LYRM9: variants seen among roughly 807,000 people sequenced by gnomAD.
The protein encoded by LYRM9 is LYR motif-containing protein 9.
A neutral mutation model predicts 12.6 loss-of-function variants in LYRM9; 14 were observed. That is an observed-to-expected ratio of 1.11 (90% CI 0.73 to 1.73). The LOEUF (loss-of-function observed/expected upper bound fraction) is 1.73. Among genes scored for constraint, LYRM9 ranks in the 40% most tolerant of loss-of-function variants. The probability of loss-of-function intolerance (pLI) is 0.00; values close to 1 mark genes in which losing one functional copy is unlikely to be tolerated. For missense variants in LYRM9, 94 were observed against 95.0 expected (o/e 0.99, Z 0.04); for synonymous variants, 42 against 35.1 (o/e 1.20, Z -0.69).
intron 3 of LYRM9, 199 bp downstream of exon 3, chr17:27,880,075 C>T: frequency 1.4e-6 from 1 of 702,346 alleles, no homozygotes; most frequent in South Asian, 1.5e-5. Flanking sequence ...GAGAGCCCCT[C>T]CCCACTTGCA....
In LYRM9 at chr17:27,878,367, T is replaced by C. The variant is rs145368412; in HGVS notation, c.*1106A>G. 6.6e-6 allele frequency: 1 copy of C among 152,360 alleles called. No individual in the cohort carries two copies. Among genetic ancestry groups the C allele is most frequent in the African/African-American group, 2.4e-5 (1 of 41,576 alleles). 9.4% of individuals were successfully genotyped at this position (152,360 alleles called of 1,614,324 possible). On this transcript the variant is annotated 3_prime_UTR_variant, in exon 4 of 4. Coordinates refer to ENST00000379102, the MANE Select transcript of LYRM9 (RefSeq NM_001076680.3). The stretch of plus-strand genomic sequence containing the variant: ...GAGAAGACACACGAGCTTCCACAAA[T>C]TGATATATTTACTTCATTGCCAGCG...
chr17:27,879,662 T>TGGACTCCCTTTC (rs1219457219), intron 3 of LYRM9, 172 bp from the exon 4 acceptor site: 1 of 611,952 alleles, frequency 1.6e-6, no homozygotes, highest in African/African-American at 1.9e-5. Context: ...AGTTCATGCC[T>TGGACTCCCTTTC]GGACTCCCTT....
intron 1 of LYRM9, chr17:27,891,847 G>C (rs746012872): frequency 2.6e-5 from 4 of 152,302 alleles, no homozygotes; most frequent in Non-Finnish European, 4.4e-5. Flanking sequence ...CCACCTCACA[G>C]GGGTTTTGTA....
rs1410712272 is a variant in LYRM9 at position 27,880,311 on chromosome 17, TTAA to T, written c.179_181del (p.Ile60del). The T allele has an allele frequency of 6.2e-7, 1 of 1,610,770 alleles. No individual in the cohort carries two copies. The highest frequency in any genetic ancestry group is 1.1e-5 in the South Asian group (1 of 90,142). ...CCAGTCAGCATCTTCAATGGCTCTT[TTAA>T]TAATCTGCTGGATTCTCTCAGGGTT... On this transcript the variant is annotated inframe_deletion, in exon 3 of 4. Transcript: ENST00000379102.
intron 1 of LYRM9, among the ~76,000 whole-genome samples, chr17:27,889,792 G>A (rs1439653086): frequency 1.3e-5 from 2 of 152,100 alleles, no homozygotes; most frequent in Non-Finnish European, 2.9e-5. Context: ...CCTATATACT[G>A]TAAGCATCAG....
At chr17:27,891,385 T>G (rs1015371525) in intron 1 of LYRM9, among the ~76,000 whole-genome samples, 1 of 152,186 alleles carries the variant, frequency 6.6e-6, no homozygotes, top group Non-Finnish European at 1.5e-5. Flanking sequence ...CATCTGTCAA[T>G]GCGGTCCCTA....
At chr17:27,879,852 C>G (rs77577306) in intron 3 of LYRM9, 61,438 of 567,004 alleles carry the variant, frequency 0.11, 4,239 homozygotes, top group Non-Finnish European at 0.14. Context: ...TCCCTTCCTC[C>G]ACCAAAACAT....
intron 2 of LYRM9, among the ~76,000 whole-genome samples, chr17:27,881,823 T>G (rs1905068943): frequency 6.6e-6 from 1 of 152,160 alleles, no homozygotes; most frequent in African/African-American, 2.4e-5. Context: ...ATTTTTTTTT[T>G]TTGAGGCAGG....
intron 1 of LYRM9, among the ~76,000 whole-genome samples, chr17:27,889,781 C>T (rs1905366321): frequency 6.6e-6 from 1 of 152,108 alleles, no homozygotes; most frequent in Admixed American, 6.5e-5. Context: ...AAGACAGTAA[C>T]CCTATATACT....
intron 3 of LYRM9, 70 bp from the exon 4 acceptor site, chr17:27,879,560 A>C: frequency 5.5e-5 from 83 of 1,505,418 alleles, no homozygotes; most frequent in Non-Finnish European, 7.2e-5. Context: ...GAGAAATCTC[A>C]GGCCTCCATC....
chr17:27,888,580 T>C (rs1260570916), intron 1 of LYRM9, among the ~76,000 whole-genome samples: 2 of 152,150 alleles, frequency 1.3e-5, no homozygotes, highest in African/African-American at 2.4e-5. Flanking sequence ...TGTCATCAGG[T>C]CTGCAGCCTC....
chr17:27,881,119 C>T (rs1005713582), intron 2 of LYRM9: 1 of 152,146 alleles, frequency 6.6e-6, no homozygotes, highest in African/African-American at 2.4e-5. Flanking sequence ...TGCCTGTAAT[C>T]CCAGCTACTC....
intron 1 of LYRM9, chr17:27,892,532 C>G (rs1045258496): frequency 4.9e-6 from 2 of 405,234 alleles, no homozygotes; most frequent in African/African-American, 4.2e-5. Flanking sequence ...GCTAAGTGAA[C>G]AAACCCAGTC....
intron 1 of LYRM9, among the ~76,000 whole-genome samples, chr17:27,883,663 AAG>A (rs911731371): frequency 1.3e-5 from 2 of 151,286 alleles, no homozygotes; most frequent in African/African-American, 4.9e-5. Context: ...AAAAAAAAAA[AAG>A]AGAGAGAATC....
Position 27,882,638 on chromosome 17 carries a change from G to C in LYRM9, c.57C>G (p.Tyr19Ter). 6.2e-7 allele frequency: 1 copy of C among 1,602,620 alleles called. No homozygotes were observed. Residue 19 changes from tyrosine (Y) to a stop codon, truncating the protein, a stop_gained, in exon 2 of 4, where the codon TAC (tyrosine) becomes TAG (stop). Coordinates refer to ENST00000379102, the MANE Select transcript of LYRM9 (RefSeq NM_001076680.3). LOFTEE classifies it high-confidence loss of function. ...LVRRPLQLYR[Y>*]LLRCCQQLPT... ...GCAGCTGCTGGCAACAGCGCAGCAA[G>C]TATCGGTAGAGCTGCAGTGGCCTCC...
At chr17:27,889,297 T>TTTTTTTC (rs1439362350) in intron 1 of LYRM9, among the ~76,000 whole-genome samples, 1 of 151,908 alleles carries the variant, frequency 6.6e-6, no homozygotes, top group Non-Finnish European at 1.5e-5. Flanking sequence ...TGTGCTGCTC[T>TTTTTTTC]TTTTTTCTTT....
intron 1 of LYRM9, among the ~76,000 whole-genome samples, chr17:27,890,437 T>C (rs1389943481): frequency 6.6e-6 from 1 of 151,796 alleles, no homozygotes. Context: ...CTGACATCAA[T>C]TACACAGATA....
At chr17:27,885,532 G>C (rs1597593058) in intron 1 of LYRM9, among the ~76,000 whole-genome samples, 1 of 151,962 alleles carries the variant, frequency 6.6e-6, no homozygotes, top group East Asian at 1.9e-4. Flanking sequence ...GCAACACAGG[G>C]AGACCCTGTC....
intron 1 of LYRM9, among the ~76,000 whole-genome samples, chr17:27,887,270 C>T (rs1002246169): frequency 6.6e-6 from 1 of 152,138 alleles, no homozygotes; most frequent in Non-Finnish European, 1.5e-5. Context: ...TAGTATACAG[C>T]CAGTATTTTT....
Sources: allele counts gnomAD v4.1 joint callset (sites outside exome capture counted in the v4.1 genomes callset), GRCh38; gene constraint gnomAD v4.1.1; transcripts MANE v1.5; gene names NCBI Gene and HGNC (gene_info 2026-07-23, HGNC 2026-07-21).